ATF6: variants seen among roughly 807,000 people sequenced by gnomAD.
ATF6 encodes the protein cyclic AMP-dependent transcription factor ATF-6 alpha.
A neutral mutation model predicts 83.6 loss-of-function variants in ATF6; 53 were observed. The ratio of observed to expected loss-of-function variants is 0.63; its 90% CI spans 0.51 to 0.80. The LOEUF is 0.80. Ranked by LOEUF, ATF6 falls within the 30% of genes least tolerant of loss-of-function variation. The probability of loss-of-function intolerance (pLI) is 0.00; values close to 1 mark genes in which losing one functional copy is unlikely to be tolerated. For synonymous variants in ATF6, 288 were observed against 285.8 expected, an observed-to-expected ratio of 1.01 and a Z score of -0.08; for missense variants, 744 against 797.9, an observed-to-expected ratio of 0.93 and a Z score of 0.81.
intron 9 of ATF6, among the ~76,000 whole-genome samples, chr1:161,844,069 T>G (rs1686420539): frequency 6.6e-6 from 1 of 152,094 alleles, no homozygotes. Context: ...ATAAATAGAG[T>G]GTAATATAAC....
intron 15 of ATF6, among the ~76,000 whole-genome samples, chr1:161,938,173 T>C: frequency 6.6e-6 from 1 of 152,082 alleles, no homozygotes; most frequent in Non-Finnish European, 1.5e-5. Context: ...CTGTCTGGAG[T>C]GCACTTTCTT....
intron 14 of ATF6, among the ~76,000 whole-genome samples, chr1:161,894,521 CTTTTTTTTTTTTTTTTTTTTTT>C (rs71093131): frequency 2.2e-5 from 1 of 44,850 alleles, no homozygotes; most frequent in Non-Finnish European, 4.4e-5. Flanking sequence ...GTTTTGTAGT[CTTTTTTTTTTTTTTTTTTTTTT>C]TTTTTTTTTT....
Position 161,821,094 on chromosome 1 carries a change from C to G in ATF6, c.1120C>G (p.Pro374Ala), listed in dbSNP as rs1685750273. 1 of 1,612,814 alleles carries G rather than the reference C, an allele frequency of 6.2e-7. No homozygotes were observed. The highest frequency in any genetic ancestry group is 8.5e-7 in the Non-Finnish European group (1 of 1,179,288). The change falls in exon 9 of 16, where the codon CCA becomes GCA. Residue 374 changes from proline (P) to alanine (A), a missense_variant. Physicochemically the swap from Pro to Ala is conservative, Grantham distance 27. Transcript: ENST00000367942. ...GAACCAGAGGCTTAAAGTCCCTAGT[C>G]CAAAGCGAAGAGTTGTCTGTGTGAT... is the stretch of plus-strand genomic sequence containing the variant. ...SENQRLKVPS[P>A]KRRVVCVMIV...
Position 161,851,588 on chromosome 1 carries a change from C to T in ATF6, c.1320-134C>T, listed in dbSNP as rs1309565329. The T allele has an allele frequency of 2.9e-5, 16 of 547,256 alleles. No individual in the cohort carries two copies. The East Asian group carries it at 4.2e-4, about 14-fold the overall frequency. The allele number at this position is 547,256 out of a possible 1,614,324, so 33.9% of individuals were successfully genotyped here. A position where few individuals can be genotyped will look rare whatever the true frequency, so the allele number is the denominator to read the frequency against. ...GTAAAATAAGGTTTTGTATTTTATACTTTATCTTGCAGTATATTCTGTTTA... is the reference window on the plus strand; with the variant it reads ...GTAAAATAAGGTTTTGTATTTTATATTTTATCTTGCAGTATATTCTGTTTA... On this transcript the variant is annotated intron_variant, in intron 10 of 15. Transcript: ENST00000367942.
chr1:161,887,854 G>T (rs1404725911), intron 14 of ATF6, among the ~76,000 whole-genome samples: 1 of 152,192 alleles, frequency 6.6e-6, no homozygotes, highest in Non-Finnish European at 1.5e-5. Flanking sequence ...CTGCTGGGCT[G>T]TGGAGAAAGG....
At chr1:161,789,538 A>T (rs562733471) in intron 4 of ATF6, among the ~76,000 whole-genome samples, 1 of 152,002 alleles carries the variant, frequency 6.6e-6, no homozygotes, top group Admixed American at 6.6e-5. Context: ...TCAAGTATAT[A>T]GCATATTACC....
chr1:161,936,988 C>CA (rs1688548305), intron 15 of ATF6, among the ~76,000 whole-genome samples: 2 of 152,134 alleles, frequency 1.3e-5, no homozygotes, highest in Admixed American at 1.3e-4. Flanking sequence ...AATCCCTCAG[C>CA]AAACTCTACT....
At chr1:161,813,351 AT>A (rs1181279042) in intron 7 of ATF6, among the ~76,000 whole-genome samples, 2 of 152,200 alleles carry the variant, frequency 1.3e-5, no homozygotes, top group Non-Finnish European at 2.9e-5. Flanking sequence ...TATAGTAGTC[AT>A]TATTGTGCTA....
chr1:161,937,086 C>T (rs1027849413), intron 15 of ATF6, among the ~76,000 whole-genome samples: 1 of 152,140 alleles, frequency 6.6e-6, no homozygotes, highest in African/African-American at 2.4e-5. Context: ...AGATTCCTAA[C>T]ATTTTCTGTA....
At chr1:161,943,536 C>G (rs188200151) in intron 15 of ATF6, among the ~76,000 whole-genome samples, 15 of 152,266 alleles carry the variant, frequency 9.9e-5, no homozygotes, top group African/African-American at 3.6e-4. Context: ...CCAGCCTCAT[C>G]GCCTCCTACT....
intron 15 of ATF6, among the ~76,000 whole-genome samples, chr1:161,931,301 G>T (rs1268454012): frequency 6.6e-6 from 1 of 152,090 alleles, no homozygotes; most frequent in Non-Finnish European, 1.5e-5. Flanking sequence ...AACATAATCT[G>T]ATATTGTTAC....
At chr1:161,944,934 T>C (rs766554578) in intron 15 of ATF6, among the ~76,000 whole-genome samples, 2 of 149,626 alleles carry the variant, frequency 1.3e-5, no homozygotes, top group Non-Finnish European at 3.0e-5. Context: ...ATACAAGTTT[T>C]GGCAAAGAAG....
At chr1:161,879,871 A>G (rs1687288477) in intron 14 of ATF6, among the ~76,000 whole-genome samples, 1 of 152,036 alleles carries the variant, frequency 6.6e-6, no homozygotes, top group South Asian at 2.1e-4. Flanking sequence ...TGGCAGCTAG[A>G]TGCAACTTAA....
chr1:161,944,638 G>A (rs1688713168), intron 15 of ATF6, among the ~76,000 whole-genome samples: 2 of 152,208 alleles, frequency 1.3e-5, no homozygotes, highest in South Asian at 4.1e-4. Flanking sequence ...TGCAGGATCA[G>A]CAAGCATGTC....
chr1:161,909,916 A>G, intron 14 of ATF6, among the ~76,000 whole-genome samples: 1 of 152,244 alleles, frequency 6.6e-6, no homozygotes, highest in East Asian at 1.9e-4. Context: ...AGATCGTGCC[A>G]CTGCACTCCA....
intron 7 of ATF6, among the ~76,000 whole-genome samples, chr1:161,808,252 A>T (rs1358134619): frequency 6.6e-6 from 1 of 152,174 alleles, no homozygotes; most frequent in Non-Finnish European, 1.5e-5. Flanking sequence ...AAACAATGAA[A>T]TACTTCTCTC....
At chr1:161,837,139 A>G (rs1439264903) in intron 9 of ATF6, among the ~76,000 whole-genome samples, 1 of 152,196 alleles carries the variant, frequency 6.6e-6, no homozygotes, top group African/African-American at 2.4e-5. Flanking sequence ...TAAACATCTT[A>G]ATTTTGTAAC....
intron 7 of ATF6, among the ~76,000 whole-genome samples, chr1:161,812,339 A>G (rs560421865): frequency 6.8e-6 from 1 of 146,852 alleles, no homozygotes; most frequent in Non-Finnish European, 1.5e-5. Context: ...TTAAAATCTG[A>G]AAATGGGAGC....
chr1:161,928,788 A>G (rs756074284), intron 15 of ATF6, among the ~76,000 whole-genome samples: 1 of 152,170 alleles, frequency 6.6e-6, no homozygotes, highest in Non-Finnish European at 1.5e-5. Flanking sequence ...ATTTCCATAG[A>G]TGTGGCCATG....
Sources: gnomAD v4.1 joint callset for allele counts (sites outside exome capture counted in the v4.1 genomes callset) on GRCh38, gnomAD v4.1.1 for gene constraint, MANE v1.5 for transcripts, NCBI Gene and HGNC (gene_info 2026-07-23, HGNC 2026-07-21) for gene names.